The following TDP1 variants were observed in gnomAD, a reference collection of about 807,000 sequenced individuals.
TDP1 encodes tyrosyl-DNA phosphodiesterase 1, also known as tyr-DNA phosphodiesterase 1.
TDP1 carries 64 observed loss-of-function variants against 81.5 expected under a neutral mutation model. The observed-to-expected ratio is 0.79, with a 90% CI of 0.64 to 0.97. TDP1 has a LOEUF of 0.97. Ranked by LOEUF, TDP1 falls within the 50% of genes least tolerant of loss-of-function variation. The pLI, the probability that TDP1 is intolerant of heterozygous loss-of-function variation, is 0.00. For missense variants in TDP1, 723 were observed against 743.8 expected, an observed-to-expected ratio of 0.97 and a Z score of 0.33; for synonymous variants, 256 against 264.3, an observed-to-expected ratio of 0.97 and a Z score of 0.30.
In TDP1 at chr14:89,968,521, C is replaced by T. The variant is rs562836068; in HGVS notation, c.659+1099C>T. Among the ~76,000 whole-genome samples, 3 of 152,340 alleles carry T rather than the reference C, an allele frequency of 2.0e-5. No individual in the cohort carries two copies. In the East Asian group the frequency reaches 5.8e-4, roughly 29 times the overall value. On this transcript the variant is annotated intron_variant, in intron 5 of 16. Coordinates refer to ENST00000335725, the MANE Select transcript of TDP1 (RefSeq NM_018319.4). ...AAGCAGCCTTCCTGGAAGTCCCACA[C>T]AACACCTGCATCTATTTCATTGAGC...
In TDP1 at chr14:89,959,140, G is replaced by A. The variant is rs546363492; in HGVS notation, c.-8+2340G>A. On this transcript the variant is annotated intron_variant, in intron 2 of 16. Transcript: ENST00000335725. ...CTTCCACTTCAGGAAACACTGTGCC[G>A]TTCTGATTGAGTGCCAGGATTCAGA... Among the ~76,000 whole-genome samples, 33 of 152,300 alleles carry A rather than the reference G, an allele frequency of 2.2e-4. No homozygotes were observed. The South Asian group carries it at 5.8e-3, about 27-fold the overall frequency.
chr14:90,015,310 C>T lies in TDP1; in HGVS notation c.1542-4006C>T, dbSNP rs188051580. Among the ~76,000 whole-genome samples, 32 of 152,230 alleles carry T rather than the reference C, an allele frequency of 2.1e-4. No homozygotes were observed. The South Asian group carries it at 2.3e-3, about 11-fold the overall frequency. ...CTGTGCTCTCCTGAGATTTCCTGTA[C>T]GAATTTTTTGTCATACGTTTTCAAG... is the stretch of plus-strand genomic sequence containing the variant. On this transcript the variant is annotated intron_variant, in intron 14 of 16. Coordinates refer to ENST00000335725, the MANE Select transcript of TDP1 (RefSeq NM_018319.4).
intron 16 of TDP1, 25 bp downstream of exon 16, chr14:90,033,239 A>G: frequency 7.6e-7 from 1 of 1,321,182 alleles, no homozygotes; most frequent in South Asian, 1.2e-5. Flanking sequence ...AAGGAAAACC[A>G]CGGGTGGATA....
chr14:89,970,596 GATAATTAT>G (rs1267685945), intron 5 of TDP1, among the ~76,000 whole-genome samples: 3 of 152,060 alleles, frequency 2.0e-5, no homozygotes, highest in Non-Finnish European at 4.4e-5. Context: ...GGCCAAAGAA[GATAATTAT>G]TCAAGGACTT....
rs59597883 is a variant in TDP1 at position 89,998,424 on chromosome 14, G to A, written c.1541+4941G>A. On this transcript the variant is annotated intron_variant, in intron 14 of 16. Coordinates refer to ENST00000335725, the MANE Select transcript of TDP1 (RefSeq NM_018319.4). ...TATATATATATATATATATATATAT[G>A]TATGTATGTATGTATGTATATGTAT... is the stretch of plus-strand genomic sequence containing the variant. Among the ~76,000 whole-genome samples the A allele has an allele frequency of 8.0e-3, 627 of 78,036 alleles. 21 individuals are homozygous for A. Among genetic ancestry groups the A allele is most frequent in the African/African-American group, 0.028 (428 of 15,528 alleles). The allele number at this position is 78,036 out of a possible 152,430, so 51.2% of individuals were successfully genotyped here.
At chr14:90,031,741 C>G (rs1022229162) in intron 15 of TDP1, among the ~76,000 whole-genome samples, 5 of 152,142 alleles carry the variant, frequency 3.3e-5, no homozygotes, top group African/African-American at 1.2e-4. Flanking sequence ...GGCTCTTTGC[C>G]ACCTCTGGGC....
intron 8 of TDP1, among the ~76,000 whole-genome samples, chr14:89,982,171 T>C (rs1385575168): frequency 6.6e-6 from 1 of 152,186 alleles, no homozygotes; most frequent in Non-Finnish European, 1.5e-5. Context: ...TTGAGACCCC[T>C]AGCTGTAATT....
chr14:90,000,753 A>C (rs1196372963), intron 14 of TDP1, among the ~76,000 whole-genome samples: 1 of 152,094 alleles, frequency 6.6e-6, no homozygotes. Flanking sequence ...TTAATTTTTT[A>C]CTGTTTCCAA....
rs1896922357 is a variant in TDP1 at position 89,998,519 on chromosome 14, TTTTCAGATGG to T, written c.1541+5037_1541+5046del. ...TTCTACAGTGTATCCATTAATCCCCTTTTCAGATGGAAGAACTGAAGCACAGAGGTTAAAC... is the reference window on the plus strand; with the variant it reads ...TTCTACAGTGTATCCATTAATCCCCTAAGAACTGAAGCACAGAGGTTAAAC... On this transcript the variant is annotated intron_variant, in intron 14 of 16. Coordinates refer to ENST00000335725, the MANE Select transcript of TDP1 (RefSeq NM_018319.4). Among the ~76,000 whole-genome samples the T allele has an allele frequency of 5.3e-5, 8 of 150,320 alleles. No homozygotes were observed. The South Asian group carries it at 1.7e-3, about 32-fold the overall frequency.
intron 5 of TDP1, among the ~76,000 whole-genome samples, chr14:89,969,579 CGT>C (rs1566852460): frequency 6.6e-6 from 1 of 152,096 alleles, no homozygotes; most frequent in Admixed American, 6.5e-5. Context: ...GCTAGATGCA[CGT>C]GTGTTTCTTA....
At chr14:90,020,295 C>G (rs1596662598) in intron 15 of TDP1, among the ~76,000 whole-genome samples, 1 of 149,108 alleles carries the variant, frequency 6.7e-6, no homozygotes, top group Non-Finnish European at 1.5e-5. Flanking sequence ...TACACACACA[C>G]AGAATACAGA....
chr14:90,038,972 A>G (rs35256260), intron 16 of TDP1, among the ~76,000 whole-genome samples: 3,925 of 152,118 alleles, frequency 0.026, 62 homozygotes, highest in Non-Finnish European at 0.039. Context: ...CTTTAGTAAA[A>G]TCTATTTTTG....
At chr14:89,972,957 A>G (rs1893837158) in intron 6 of TDP1, among the ~76,000 whole-genome samples, 1 of 152,028 alleles carries the variant, frequency 6.6e-6, no homozygotes, top group African/African-American at 2.4e-5. Context: ...TTCCCCATCC[A>G]CAAAGATGTA....
At chr14:89,987,894 T>C (rs916681287) in intron 10 of TDP1, among the ~76,000 whole-genome samples, 1 of 152,012 alleles carries the variant, frequency 6.6e-6, no homozygotes, top group African/African-American at 2.4e-5. Flanking sequence ...TAAAGAAATA[T>C]GGGGGTAGCC....
intron 16 of TDP1, among the ~76,000 whole-genome samples, chr14:90,039,939 A>C (rs1888199457): frequency 6.6e-6 from 1 of 152,158 alleles, no homozygotes; most frequent in Non-Finnish European, 1.5e-5. Flanking sequence ...CCCCACTGGC[A>C]GTCTGGTTCC....
At chr14:89,992,198 G>T (rs989418243) in intron 13 of TDP1, among the ~76,000 whole-genome samples, 10 of 152,098 alleles carry the variant, frequency 6.6e-5, no homozygotes, top group Non-Finnish European at 5.9e-5. Flanking sequence ...TTGCTGTGAG[G>T]TTTCTATTTA....
chr14:89,982,548 T>A (rs1405468984), intron 8 of TDP1, among the ~76,000 whole-genome samples: 1 of 152,214 alleles, frequency 6.6e-6, no homozygotes, highest in Non-Finnish European at 1.5e-5. Flanking sequence ...CAGCTCCTTC[T>A]GAAGTTGGAA....
At chr14:90,033,037 G>C (rs1596710972) in intron 15 of TDP1, 69 bp from the exon 16 acceptor site, 2 of 1,215,638 alleles carry the variant, frequency 1.6e-6, no homozygotes, top group East Asian at 4.7e-5. Flanking sequence ...GCTTCTTGAG[G>C]CCTTCTGGTT....
At chr14:89,990,649 A>AAT (rs1896084745) in intron 12 of TDP1, among the ~76,000 whole-genome samples, 1 of 141,754 alleles carries the variant, frequency 7.1e-6, no homozygotes, top group Admixed American at 7.3e-5. Flanking sequence ...TTGTGCCTCT[A>AAT]ATAGGCTAGA....
Sources: allele counts gnomAD v4.1 joint callset (sites outside exome capture counted in the v4.1 genomes callset), GRCh38; gene constraint gnomAD v4.1.1; transcripts MANE v1.5; gene names NCBI Gene and HGNC (gene_info 2026-07-23, HGNC 2026-07-21).